The following FRMD4A variants were observed in gnomAD, a reference collection of about 807,000 sequenced individuals.
FRMD4A encodes FERM domain-containing protein 4A.
FRMD4A carries 29 observed loss-of-function variants against 129.1 expected under a neutral mutation model. That is an observed-to-expected ratio of 0.22 (90% CI 0.17 to 0.31). The LOEUF (loss-of-function observed/expected upper bound fraction) is 0.31. Among genes scored for constraint, FRMD4A ranks in the 10% least tolerant of loss-of-function variants. FRMD4A has a pLI of 1.00. For synonymous variants in FRMD4A, 634 were observed against 571.6 expected (o/e 1.11, Z -1.56); for missense variants, 1,272 against 1,375.8 (o/e 0.92, Z 1.19).
intron 2 of FRMD4A, among the ~76,000 whole-genome samples, chr10:13,894,330 C>G (rs2131173244): frequency 6.6e-6 from 1 of 152,328 alleles, no homozygotes; most frequent in East Asian, 1.9e-4. Context: ...CAGGGCTTCC[C>G]TGGCTTTGGG....
chr10:14,266,087 G>A (rs549319146), intron 2 of FRMD4A, among the ~76,000 whole-genome samples: 25 of 151,932 alleles, frequency 1.6e-4, no homozygotes, highest in African/African-American at 5.6e-4. Context: ...TGAACTGAAC[G>A]GGTGTGGGTT....
intron 2 of FRMD4A, among the ~76,000 whole-genome samples, chr10:14,142,725 GAATGAA>G (rs1263707739): frequency 1.3e-5 from 2 of 152,210 alleles, no homozygotes; most frequent in South Asian, 4.1e-4. Flanking sequence ...TCAATGGGTA[GAATGAA>G]AACGCAAGCT....
intron 2 of FRMD4A, among the ~76,000 whole-genome samples, chr10:14,185,586 G>C (rs565558651): frequency 2.0e-5 from 3 of 151,236 alleles, no homozygotes; most frequent in Non-Finnish European, 4.4e-5. Context: ...CGTCTTGTAA[G>C]AAAGAGAAAC....
intron 15 of FRMD4A, among the ~76,000 whole-genome samples, chr10:13,680,695 C>T (rs1202568081): frequency 6.6e-6 from 1 of 151,884 alleles, no homozygotes; most frequent in East Asian, 1.9e-4. Flanking sequence ...CACTGCACTC[C>T]AGCCGGGGTG....
At chr10:14,280,982 ATTTTTTTTTTTTTT>A (rs772555677) in intron 2 of FRMD4A, among the ~76,000 whole-genome samples, 7 of 76,556 alleles carry the variant, frequency 9.1e-5, no homozygotes, top group African/African-American at 2.7e-4. Flanking sequence ...ACTGGTTTCA[ATTTTTTTTTTTTTT>A]TTTTTTTTTT....
chr10:14,014,635 C>T (rs982477223), intron 2 of FRMD4A, among the ~76,000 whole-genome samples: 2 of 152,170 alleles, frequency 1.3e-5, no homozygotes, highest in African/African-American at 4.8e-5. Context: ...GGAATTTAGG[C>T]CAAACATGAA....
At chr10:13,695,131 C>T (rs1270959681) in intron 14 of FRMD4A, among the ~76,000 whole-genome samples, 4 of 150,228 alleles carry the variant, frequency 2.7e-5, no homozygotes, top group South Asian at 2.1e-4. Context: ...CTAAAAGCAG[C>T]GGTTTTTCAA....
chr10:14,219,737 C>T (rs1402920926), intron 2 of FRMD4A, among the ~76,000 whole-genome samples: 1 of 152,134 alleles, frequency 6.6e-6, no homozygotes, highest in Non-Finnish European at 1.5e-5. Context: ...GTGCCCAGGG[C>T]AAGCTGGGAG....
chr10:14,218,955 CAAAAAAAAAAAAAAAAAAA>C (rs56064346), intron 2 of FRMD4A, among the ~76,000 whole-genome samples: 36 of 72,650 alleles, frequency 5.0e-4, no homozygotes, highest in African/African-American at 2.5e-3. Context: ...GACTTCATCT[CAAAAAAAAAAAAAAAAAAA>C]AAAAAAAAAA....
intron 2 of FRMD4A, among the ~76,000 whole-genome samples, chr10:14,166,660 C>T (rs1841193884): frequency 6.6e-6 from 1 of 152,200 alleles, no homozygotes; most frequent in Admixed American, 6.5e-5. Context: ...TTCAAACAGT[C>T]AGTCAATGCT....
chr10:14,261,781 A>G (rs78175844), intron 2 of FRMD4A, among the ~76,000 whole-genome samples: 11,182 of 152,058 alleles, frequency 0.074, 516 homozygotes, highest in South Asian at 0.13. Flanking sequence ...GAGAGACAGG[A>G]GGGATCGTTT....
chr10:13,869,829 C>T (rs796602304), intron 2 of FRMD4A, among the ~76,000 whole-genome samples: 12 of 152,260 alleles, frequency 7.9e-5, no homozygotes, highest in African/African-American at 2.2e-4. Flanking sequence ...ACTATTCTAC[C>T]GGAAATACAC....
At chr10:14,024,736 G>A (rs1249125775) in intron 2 of FRMD4A, among the ~76,000 whole-genome samples, 1 of 152,238 alleles carries the variant, frequency 6.6e-6, no homozygotes, top group African/African-American at 2.4e-5. Flanking sequence ...ACAGTCCGAG[G>A]TGCTGGCCAA....
At chr10:13,713,246 C>T (rs1345515723) in intron 12 of FRMD4A, among the ~76,000 whole-genome samples, 1 of 152,116 alleles carries the variant, frequency 6.6e-6, no homozygotes, top group Non-Finnish European at 1.5e-5. Context: ...ATAAAGTAAC[C>T]CCAGTAGAGA....
chr10:13,665,877 A>G (rs1009847285), intron 18 of FRMD4A, among the ~76,000 whole-genome samples: 5 of 152,258 alleles, frequency 3.3e-5, no homozygotes, highest in Non-Finnish European at 7.3e-5. Flanking sequence ...AGTGATACCA[A>G]CAGTTTGATT....
intron 2 of FRMD4A, among the ~76,000 whole-genome samples, chr10:14,090,196 C>T (rs1450302182): frequency 6.6e-6 from 1 of 152,176 alleles, no homozygotes; most frequent in Non-Finnish European, 1.5e-5. Context: ...CTTGCTCTTG[C>T]CTGAGGTCCT....
chr10:14,330,228 T>G, intron 1 of FRMD4A, 45 bp from the exon 2 acceptor site: 1 of 935,484 alleles, frequency 1.1e-6, no homozygotes, highest in Non-Finnish European at 1.7e-6. Flanking sequence ...AGCAAAAGGC[T>G]CAAGGGGAAG....
chr10:14,301,460 G>A (rs187467769), intron 2 of FRMD4A, among the ~76,000 whole-genome samples: 5 of 152,324 alleles, frequency 3.3e-5, no homozygotes, highest in African/African-American at 4.8e-5. Flanking sequence ...ACAGAAGGCA[G>A]GGTGTGAGAC....
intron 3 of FRMD4A, among the ~76,000 whole-genome samples, chr10:13,831,575 C>T (rs1324894293): frequency 6.6e-6 from 1 of 152,186 alleles, no homozygotes; most frequent in Non-Finnish European, 1.5e-5. Context: ...CTTCACTTCC[C>T]AGAGTTTCAG....
Sources: allele counts gnomAD v4.1 joint callset (sites outside exome capture counted in the v4.1 genomes callset), GRCh38; gene constraint gnomAD v4.1.1; transcripts MANE v1.5; gene names NCBI Gene and HGNC (gene_info 2026-07-23, HGNC 2026-07-21).